The following FOXN3 variants were observed in gnomAD, a reference collection of about 807,000 sequenced individuals.
The protein encoded by FOXN3 is forkhead box N3, also known as forkhead box protein N3.
FOXN3 carries 7 observed loss-of-function variants against 38.4 expected under a neutral mutation model. The ratio of observed to expected loss-of-function variants is 0.18; its 90% CI spans 0.10 to 0.34. The LOEUF is 0.34. FOXN3 is among the 10% of genes least tolerant of loss of function. FOXN3 has a pLI of 1.00. For missense variants in FOXN3, 456 were observed against 613.4 expected (o/e 0.74, Z 2.71); for synonymous variants, 230 against 242.2 (o/e 0.95, Z 0.47).
At chr14:89,342,082 A>T (rs1888632818) in intron 3 of FOXN3, among the ~76,000 whole-genome samples, 1 of 152,246 alleles carries the variant, frequency 6.6e-6, no homozygotes, top group Non-Finnish European at 1.5e-5. Context: ...TCTGTAGTAG[A>T]CTTAAAGAAC....
intron 5 of FOXN3, among the ~76,000 whole-genome samples, chr14:89,168,785 A>G (rs756470): frequency 0.25 from 38,159 of 152,158 alleles, 5,334 homozygotes; most frequent in Middle Eastern, 0.34. Context: ...GCGGGATAAA[A>G]AAAATAAAGT....
intron 4 of FOXN3, among the ~76,000 whole-genome samples, chr14:89,244,921 C>G (rs760182265): frequency 6.6e-6 from 1 of 152,184 alleles, no homozygotes; most frequent in Non-Finnish European, 1.5e-5. Context: ...ATGCCAAGCA[C>G]TGTTCGATAT....
intron 1 of FOXN3, among the ~76,000 whole-genome samples, chr14:89,435,017 A>G (rs1892246573): frequency 6.6e-6 from 1 of 152,214 alleles, no homozygotes; most frequent in Non-Finnish European, 1.5e-5. Flanking sequence ...GCACAATTTG[A>G]ATACACTGTA....
At chr14:89,168,531 T>C (rs1480627607) in intron 5 of FOXN3, among the ~76,000 whole-genome samples, 1 of 152,060 alleles carries the variant, frequency 6.6e-6, no homozygotes, top group Non-Finnish European at 1.5e-5. Flanking sequence ...AGAGAAAAAT[T>C]AGTGAATTGT....
chr14:89,265,604 T>C (rs1885952320), intron 4 of FOXN3, among the ~76,000 whole-genome samples: 1 of 152,008 alleles, frequency 6.6e-6, no homozygotes, highest in Non-Finnish European at 1.5e-5. Flanking sequence ...CAAGCCAGGG[T>C]TAATGCCTAA....
intron 3 of FOXN3, among the ~76,000 whole-genome samples, chr14:89,301,667 C>A (rs1007370380): frequency 2.0e-5 from 3 of 151,940 alleles, no homozygotes; most frequent in African/African-American, 7.3e-5. Flanking sequence ...GCTTGGGAGG[C>A]TGAGGTAGGA....
intron 1 of FOXN3, among the ~76,000 whole-genome samples, chr14:89,564,375 T>C (rs932234534): frequency 1.3e-5 from 2 of 152,198 alleles, no homozygotes; most frequent in Non-Finnish European, 2.9e-5. Flanking sequence ...AACTCAAATC[T>C]CGTCTCTGAA....
intron 2 of FOXN3, among the ~76,000 whole-genome samples, chr14:89,408,788 C>T (rs1441582623): frequency 6.6e-6 from 1 of 152,050 alleles, no homozygotes; most frequent in African/African-American, 2.4e-5. Context: ...TCAATGTTCT[C>T]GTTCAATTTA....
At chr14:89,201,187 T>A (rs1364746690) in intron 4 of FOXN3, among the ~76,000 whole-genome samples, 1 of 152,208 alleles carries the variant, frequency 6.6e-6, no homozygotes, top group Non-Finnish European at 1.5e-5. Flanking sequence ...TTGCATCTCA[T>A]CCAGTTGTGA....
intron 1 of FOXN3, among the ~76,000 whole-genome samples, chr14:89,414,997 A>C (rs191236553): frequency 2.6e-4 from 39 of 152,302 alleles, no homozygotes; most frequent in African/African-American, 8.7e-4. Flanking sequence ...CAGACAAAAA[A>C]CAAGCTAGCA....
intron 3 of FOXN3, among the ~76,000 whole-genome samples, chr14:89,331,322 T>C (rs1888241521): frequency 6.6e-6 from 1 of 152,242 alleles, no homozygotes; most frequent in Non-Finnish European, 1.5e-5. Context: ...CTTTTGTATC[T>C]GGCTTTTTTC....
intron 4 of FOXN3, among the ~76,000 whole-genome samples, chr14:89,278,791 G>A (rs913254391): frequency 2.0e-5 from 3 of 152,142 alleles, no homozygotes; most frequent in South Asian, 2.1e-4. Flanking sequence ...AGGGATGTGC[G>A]TACATTTTTG....
intron 3 of FOXN3, among the ~76,000 whole-genome samples, chr14:89,336,216 C>CCATCCATCCATCCATCCATCCA (rs1555419027): frequency 1.5e-4 from 21 of 143,158 alleles, no homozygotes; most frequent in African/African-American, 5.5e-4. Flanking sequence ...CTAACGGTGC[C>CCATCCATCCATCCATCCATCCA]TCCATCCATC....
chr14:89,234,875 G>A (rs1485746366), intron 4 of FOXN3, among the ~76,000 whole-genome samples: 1 of 152,080 alleles, frequency 6.6e-6, no homozygotes, highest in Non-Finnish European at 1.5e-5. Context: ...TTGCCAGCAG[G>A]GCTGCCCCAT....
intron 5 of FOXN3, among the ~76,000 whole-genome samples, chr14:89,173,718 C>G (rs1030078880): frequency 1.1e-4 from 17 of 152,150 alleles, no homozygotes; most frequent in African/African-American, 3.6e-4. Context: ...GGGCTGGGCA[C>G]TGTGGCTCAC....
chr14:89,576,705 C>G (rs1895631099), intron 1 of FOXN3: 1 of 152,162 alleles, frequency 6.6e-6, no homozygotes, highest in East Asian at 1.9e-4. Context: ...GATCAGATGT[C>G]TTCTGTTCCC....
intron 2 of FOXN3, among the ~76,000 whole-genome samples, chr14:89,383,659 C>G (rs77345355): frequency 1.3e-5 from 2 of 152,140 alleles, no homozygotes; most frequent in African/African-American, 4.8e-5. Context: ...ATCTTCCCCA[C>G]GTATCTGTTT....
chr14:89,291,694 A>T (rs1351719640), intron 3 of FOXN3: 1 of 383,460 alleles, frequency 2.6e-6, no homozygotes, highest in Non-Finnish European at 5.1e-6. Context: ...TTTTAAATAT[A>T]CTGAAGTTTC....
chr14:89,166,455 C>G (rs1887245121), intron 5 of FOXN3, among the ~76,000 whole-genome samples: 2 of 152,188 alleles, frequency 1.3e-5, no homozygotes, highest in African/African-American at 4.8e-5. Flanking sequence ...TATTGGAACA[C>G]TGGCCTACTT....
Sources: gnomAD v4.1 joint callset for allele counts (sites outside exome capture counted in the v4.1 genomes callset) on GRCh38, gnomAD v4.1.1 for gene constraint, MANE v1.5 for transcripts, NCBI Gene and HGNC (gene_info 2026-07-23, HGNC 2026-07-21) for gene names.